Variants in EYA1 observed in about 807,000 individuals in gnomAD.
The protein encoded by EYA1 is EYA transcriptional coactivator and phosphatase 1.
In EYA1, 16 loss-of-function variants were observed where a neutral mutation model predicts 82.0. The ratio of observed to expected loss-of-function variants is 0.20; its 90% CI spans 0.13 to 0.30. The LOEUF is 0.30. Among genes scored for constraint, EYA1 ranks in the 10% least tolerant of loss-of-function variants. The pLI is 1.00. For missense variants in EYA1, 633 were observed against 730.7 expected, an observed-to-expected ratio of 0.87 and a Z score of 1.54; for synonymous variants, 261 against 264.4, an observed-to-expected ratio of 0.99 and a Z score of 0.12.
chr8:71,250,385 G>A (rs981833539), intron 11 of EYA1, among the ~76,000 whole-genome samples: 4 of 152,112 alleles, frequency 2.6e-5, no homozygotes, highest in Non-Finnish European at 5.9e-5. Context: ...CCTACAGGCA[G>A]CGCTCCCCGC....
rs776367934 is a variant in EYA1, at chr8:71,463,575, T to TTCTC, written c.33+72165_33+72168dup. On this transcript the variant is annotated intron_variant, in intron 2 of 18. Transcript: ENST00000643681. ...GGTTATTTCTTAAGAAATACATGCT[T>TTCTC]TCTCTCTCTCTCTCTCTCTCTCTCT... Among the ~76,000 whole-genome samples the TTCTC allele has an allele frequency of 1.8e-3, 75 of 41,194 alleles. 2 individuals carry two copies. The highest frequency in any genetic ancestry group is 2.8e-3 in the Non-Finnish European group (66 of 23,858). The allele number at this position is 41,194 out of a possible 152,430, so 27.0% of individuals were successfully genotyped here.
In EYA1 at chr8:71,238,034, T is replaced by C. The variant is rs185560223; in HGVS notation, c.1140+6569A>G. On this transcript the variant is annotated intron_variant, in intron 12 of 17. Transcript: ENST00000340726. ...TGGTACAAATGGTATTAACCTTTTA[T>C]AGGATCTCAATACTTATTTCCAAAT... Among the ~76,000 whole-genome samples the C allele has an allele frequency of 1.9e-3, 285 of 152,298 alleles. 1 individual carries two copies. The highest frequency in any genetic ancestry group is 6.0e-3 in the African/African-American group (250 of 41,590).
rs369017877 is a variant in EYA1 at position 71,398,222 on chromosome 8, C to T, written c.34-41711G>A. Among the ~76,000 whole-genome samples the T allele has an allele frequency of 1.4e-3, 213 of 152,286 alleles. 1 individual carries two copies. The highest frequency in any genetic ancestry group is 5.0e-3 in the African/African-American group (206 of 41,558). On this transcript the variant is annotated intron_variant, in intron 2 of 18. Coordinates refer to the EYA1 transcript ENST00000643681. Reference sequence around the variant, plus strand: ...TTTTCCAAGGTTTTTAGCTTCTTTGCAATGGGTTCAAACATCCTCCTTTAG... The same window carrying T: ...TTTTCCAAGGTTTTTAGCTTCTTTGTAATGGGTTCAAACATCCTCCTTTAG...
At chr8:71,508,069 G>C (rs937578906) in intron 2 of EYA1, among the ~76,000 whole-genome samples, 3 of 152,146 alleles carry the variant, frequency 2.0e-5, no homozygotes, top group Non-Finnish European at 2.9e-5. Flanking sequence ...CTGCTTAAGG[G>C]ACCCTCTACA....
chr8:71,488,153 A>G (rs1458349763), intron 2 of EYA1, among the ~76,000 whole-genome samples: 3 of 152,184 alleles, frequency 2.0e-5, no homozygotes, highest in Non-Finnish European at 4.4e-5. Context: ...TAAAATATAC[A>G]TCAATGATAC....
chr8:71,512,850 A>C (rs1812700864), intron 2 of EYA1, among the ~76,000 whole-genome samples: 1 of 152,116 alleles, frequency 6.6e-6, no homozygotes, highest in African/African-American at 2.4e-5. Flanking sequence ...GAAACACCAT[A>C]CCCCACAAAA....
chr8:71,355,113 C>A (rs1198163204), intron 2 of EYA1, among the ~76,000 whole-genome samples: 1 of 152,172 alleles, frequency 6.6e-6, no homozygotes, highest in African/African-American at 2.4e-5. Flanking sequence ...ACTTGCTTTA[C>A]CTATACAGCC....
At chr8:71,479,474 C>T (rs1375182359) in intron 2 of EYA1, among the ~76,000 whole-genome samples, 1 of 151,958 alleles carries the variant, frequency 6.6e-6, no homozygotes, top group East Asian at 1.9e-4. Context: ...TTATTGCCCA[C>T]CCCCCAGGCT....
chr8:71,219,734 GCAGA>G (rs1380225324), intron 12 of EYA1, among the ~76,000 whole-genome samples: 1 of 152,150 alleles, frequency 6.6e-6, no homozygotes, highest in Non-Finnish European at 1.5e-5. Flanking sequence ...ATATTCCACA[GCAGA>G]ACTGCACAAT....
intron 2 of EYA1, among the ~76,000 whole-genome samples, chr8:71,460,817 C>A (rs1336614891): frequency 6.6e-6 from 1 of 152,214 alleles, no homozygotes; most frequent in Non-Finnish European, 1.5e-5. Flanking sequence ...TCGACTTTAG[C>A]AAGCACCCCA....
rs1286406645 is a variant in EYA1, at chr8:71,343,119, T to G, written c.125-8945A>C. On this transcript the variant is annotated intron_variant, in intron 3 of 17. Coordinates refer to ENST00000340726, the MANE Select transcript of EYA1 (RefSeq NM_000503.6). ...TGGGAGGCTGCCAACCTCTGACTGG[T>G]GACTGGTGGCAGTAGGTAAAATTAG... is the stretch of plus-strand genomic sequence containing the variant. Among the ~76,000 whole-genome samples the G allele has an allele frequency of 9.2e-5, 14 of 152,134 alleles. 1 individual carries two copies. Among genetic ancestry groups the G allele is most frequent in the Admixed American group, 9.2e-4 (14 of 15,256 alleles).
intron 12 of EYA1, among the ~76,000 whole-genome samples, chr8:71,218,096 A>G (rs1290097721): frequency 2.0e-5 from 3 of 152,196 alleles, no homozygotes; most frequent in African/African-American, 7.2e-5. Flanking sequence ...CAAATACCCC[A>G]GAGGCCTTTA....
chr8:71,257,996 A>G (rs1044351374), intron 11 of EYA1, among the ~76,000 whole-genome samples: 1 of 152,132 alleles, frequency 6.6e-6, no homozygotes, highest in African/African-American at 2.4e-5. Context: ...AATGGCTCTC[A>G]TGAATAATAC....
At chr8:71,401,530 A>G (rs966327224) in intron 2 of EYA1, among the ~76,000 whole-genome samples, 1 of 152,244 alleles carries the variant, frequency 6.6e-6, no homozygotes, top group Non-Finnish European at 1.5e-5. Context: ...TAGCATATGC[A>G]TATTAGCATA....
chr8:71,401,952 C>A (rs557082730), intron 2 of EYA1, among the ~76,000 whole-genome samples: 2 of 152,268 alleles, frequency 1.3e-5, no homozygotes, highest in East Asian at 3.9e-4. Flanking sequence ...ATTAAGGATG[C>A]CAGTGATATC....
At chr8:71,446,545 C>T (rs561854276) in intron 2 of EYA1, among the ~76,000 whole-genome samples, 2 of 152,230 alleles carry the variant, frequency 1.3e-5, no homozygotes, top group East Asian at 1.9e-4. Context: ...CCATAATATC[C>T]GTTACCTCAA....
At chr8:71,388,496 G>A (rs1563560349) in intron 2 of EYA1, among the ~76,000 whole-genome samples, 2 of 152,160 alleles carry the variant, frequency 1.3e-5, no homozygotes, top group Non-Finnish European at 2.9e-5. Context: ...TATCATGATG[G>A]CTAATGTGTA....
chr8:71,476,121 AC>A (rs942090742), intron 2 of EYA1, among the ~76,000 whole-genome samples: 1 of 151,856 alleles, frequency 6.6e-6, no homozygotes, highest in Non-Finnish European at 1.5e-5. Context: ...TCCTACATAT[AC>A]CCCCCAATCC....
chr8:71,329,881 G>C (rs964686448), intron 4 of EYA1, among the ~76,000 whole-genome samples: 2 of 151,982 alleles, frequency 1.3e-5, no homozygotes, highest in Non-Finnish European at 2.9e-5. Flanking sequence ...GGAAAGAGTG[G>C]GGAGTAACCT....
Sources: allele counts gnomAD v4.1 joint callset (sites outside exome capture counted in the v4.1 genomes callset), GRCh38; gene constraint gnomAD v4.1.1; transcripts MANE v1.5; gene names NCBI Gene and HGNC (gene_info 2026-07-23, HGNC 2026-07-21).